CD99: variants seen among roughly 807,000 people sequenced by gnomAD.
CD99 encodes the protein CD99 molecule (Xg blood group), also known as CD99 antigen.
CD99 carries 19 observed loss-of-function variants against 28.4 expected under a neutral mutation model. The observed-to-expected ratio is 0.67, with a 90% CI of 0.47 to 0.98. The LOEUF is 0.98. CD99 is among the 50% of genes least tolerant of loss of function. The pLI is 0.00. For synonymous variants in CD99, 103 were observed against 92.1 expected (o/e 1.12, Z -0.67); for missense variants, 283 against 248.8 (o/e 1.14, Z -0.92).
chrX:2,732,433 TC>T lies in CD99; in HGVS notation c.476-5764del, dbSNP rs374156935. Among the ~76,000 whole-genome samples the T allele has an allele frequency of 4.5e-3, 692 of 152,206 alleles. 8 individuals are homozygous for T. The highest frequency in any genetic ancestry group is 0.016 in the African/African-American group (652 of 41,526). Reference sequence around the variant, plus strand: ...CTTTGGCAAGATGGGCGATTGGCTCTCCCTGTCTCCTTCTTTCTCTTTCTTC... The same window carrying T: ...CTTTGGCAAGATGGGCGATTGGCTCTCCTGTCTCCTTCTTTCTCTTTCTTC... On this transcript the variant is annotated intron_variant, in intron 8 of 9. Transcript: ENST00000381192.
intron 1 of CD99, among the ~76,000 whole-genome samples, chrX:2,713,703 C>G (rs914118624): frequency 1.3e-5 from 2 of 152,202 alleles, no homozygotes; most frequent in Non-Finnish European, 2.9e-5. Flanking sequence ...CCAGGTGCTT[C>G]CTGACGGTTG....
chrX:2,717,635 C>G lies in CD99; in HGVS notation c.131C>G (p.Pro44Arg). The change falls in exon 3 of 10, where the codon CCC becomes CGC. Residue 44 changes from proline to arginine, a missense_variant. By Grantham distance (103) the Pro-to-Arg change is moderately radical. Transcript: ENST00000381192. ...GAAAACAAGAAACCCACTGCAATCC[C>G]CAAGAAACCCAGTGCTGGTGAGAAG... Reference protein sequence around the residue: ...DNENKKPTAIPKKPSAGDDFD... With the variant: ...DNENKKPTAIRKKPSAGDDFD... The G allele has an allele frequency of 6.2e-7, 1 of 1,613,690 alleles. No homozygotes were observed. Among genetic ancestry groups the G allele is most frequent in the Non-Finnish European group, 8.5e-7 (1 of 1,179,638 alleles).
At chrX:2,702,684 CTG>C (rs2047915042) in intron 1 of CD99, among the ~76,000 whole-genome samples, 1 of 152,160 alleles carries the variant, frequency 6.6e-6, no homozygotes, top group Non-Finnish European at 1.5e-5. Context: ...TATTTCATCA[CTG>C]TGGTATTAAA....
chrX:2,721,725 C>T (rs1363065274), intron 5 of CD99, among the ~76,000 whole-genome samples: 2 of 152,064 alleles, frequency 1.3e-5, no homozygotes, highest in East Asian at 1.9e-4. Context: ...TCATTTCTAT[C>T]GTATGAGTTT....
intron 8 of CD99, among the ~76,000 whole-genome samples, chrX:2,737,234 G>A (rs1379920596): frequency 6.6e-6 from 1 of 151,806 alleles, no homozygotes; most frequent in Non-Finnish European, 1.5e-5. Flanking sequence ...CTGGAGTGCA[G>A]TGCCACGATC....
chrX:2,712,788 C>T (rs1247481838), intron 1 of CD99, among the ~76,000 whole-genome samples: 2 of 151,934 alleles, frequency 1.3e-5, no homozygotes, highest in Non-Finnish European at 2.9e-5. Flanking sequence ...CACACACACA[C>T]AGACATACAA....
At position 2,738,065 on chromosome X, in the gene CD99, GGGTTCA is replaced by G. The variant is rs750735902; in HGVS notation, c.476-133_476-128del. 5 of 813,048 alleles carry G rather than the reference GGGTTCA, an allele frequency of 6.1e-6. No individual in the cohort carries two copies. In the Admixed American group the frequency reaches 7.0e-5, roughly 11 times the overall value. 50.4% of individuals were successfully genotyped at this position (813,048 alleles called of 1,614,324 possible). On this transcript the variant is annotated intron_variant, in intron 8 of 9. Coordinates refer to ENST00000381192, the MANE Select transcript of CD99 (RefSeq NM_002414.5). ...GACTCCATGTTCCCAGTGGGTCTCG[GGGTTCA>G]GAACTGAGTGCTCTCATCCAAGCAA... is the stretch of plus-strand genomic sequence containing the variant.
intron 8 of CD99, among the ~76,000 whole-genome samples, chrX:2,729,279 CGTA>C: frequency 6.6e-6 from 1 of 152,218 alleles, no homozygotes; most frequent in Non-Finnish European, 1.5e-5. Flanking sequence ...TGCGTGCAGA[CGTA>C]GGAACTTTTG....
At chrX:2,710,867 CTTTTTTTTTT>C (rs541519754) in intron 1 of CD99, among the ~76,000 whole-genome samples, 1 of 99,598 alleles carries the variant, frequency 1.0e-5, no homozygotes. Context: ...GTAGAGATGA[CTTTTTTTTTT>C]TTTTTTTTTT....
At position 2,733,423 on chromosome X, in the gene CD99, G is replaced by A. The variant is rs1034327238; in HGVS notation, c.476-4777G>A. On this transcript the variant is annotated intron_variant, in intron 8 of 9. Transcript: ENST00000381192. ...CCTGCGGAGCGTCCTGACCGTAATC[G>A]TTTTATCTGCTAAGACATAGCCTTA... The A allele has an allele frequency of 1.7e-4, 269 of 1,558,752 alleles. 1 individual carries two copies. The highest frequency in any genetic ancestry group is 2.1e-4 in the Non-Finnish European group (239 of 1,148,744).
intron 1 of CD99, among the ~76,000 whole-genome samples, chrX:2,700,042 G>A (rs1268372578): frequency 2.0e-5 from 3 of 152,156 alleles, no homozygotes; most frequent in Non-Finnish European, 2.9e-5. Flanking sequence ...TGGTCAGCAT[G>A]GGGAAAAATG....
At chrX:2,721,273 A>ATT (rs1266439386) in intron 5 of CD99, among the ~76,000 whole-genome samples, 1 of 151,436 alleles carries the variant, frequency 6.6e-6, no homozygotes, top group Non-Finnish European at 1.5e-5. Flanking sequence ...TTGTGCTAGT[A>ATT]TTTTATATAT....
chrX:2,706,870 G>T lies in CD99; in HGVS notation c.68-7552G>T, dbSNP rs772088495. Reference sequence around the variant, plus strand: ...GAGTCTCACTCTGTCGCCCAGGCTGGAGTGCAGTGGTGCGATCTCGGCTCA... The same window carrying T: ...GAGTCTCACTCTGTCGCCCAGGCTGTAGTGCAGTGGTGCGATCTCGGCTCA... On this transcript the variant is annotated intron_variant, in intron 1 of 9. Coordinates refer to ENST00000381192, the MANE Select transcript of CD99 (RefSeq NM_002414.5). Among the ~76,000 whole-genome samples, 10 of 151,922 alleles carry T rather than the reference G, an allele frequency of 6.6e-5. No individual in the cohort carries two copies. In the South Asian group the frequency reaches 1.9e-3, roughly 29 times the overall value.
chrX:2,707,017 A>C (rs2048152685), intron 1 of CD99, among the ~76,000 whole-genome samples: 1 of 152,000 alleles, frequency 6.6e-6, no homozygotes, highest in Non-Finnish European at 1.5e-5. Context: ...CACCTGAATG[A>C]TGTGATGATG....
At chrX:2,739,494 G>C (rs955706575) in intron 9 of CD99, among the ~76,000 whole-genome samples, 104 of 151,784 alleles carry the variant, frequency 6.9e-4, no homozygotes, top group Admixed American at 1.8e-3. Context: ...CTGTCACCCA[G>C]GCTGGAGTGC....
intron 1 of CD99, 108 bp from the exon 2 acceptor site, chrX:2,714,314 G>T: frequency 1.1e-6 from 1 of 918,366 alleles, no homozygotes; most frequent in Non-Finnish European, 1.7e-6. Context: ...TTAAGTTGCT[G>T]TTTTAAATAT....
chrX:2,711,002 C>G (rs2048375134), intron 1 of CD99, among the ~76,000 whole-genome samples: 1 of 150,420 alleles, frequency 6.6e-6, no homozygotes, highest in Admixed American at 6.7e-5. Context: ...TCCTGAGTAG[C>G]TGGGATTACA....
intron 1 of CD99, among the ~76,000 whole-genome samples, chrX:2,704,624 T>C (rs311049): frequency 1.3e-4 from 19 of 151,356 alleles, no homozygotes; most frequent in African/African-American, 4.1e-4. Flanking sequence ...GGGTTTTGCC[T>C]TGTTGGCCAG....
intron 8 of CD99, chrX:2,726,575 A>G (rs2049296443): frequency 1.5e-6 from 1 of 675,414 alleles, no homozygotes; most frequent in African/African-American, 1.8e-5. Context: ...GTTGTGTGAA[A>G]GTTTACAAGT....
Sources: gnomAD v4.1 joint callset for allele counts (sites outside exome capture counted in the v4.1 genomes callset) on GRCh38, gnomAD v4.1.1 for gene constraint, MANE v1.5 for transcripts, NCBI Gene and HGNC (gene_info 2026-07-23, HGNC 2026-07-21) for gene names.